Variants in SLC4A5 observed in about 807,000 individuals in gnomAD.
SLC4A5 encodes solute carrier family 4 member 5, also known as electrogenic sodium bicarbonate cotransporter 4.
SLC4A5 carries 96 observed loss-of-function variants against 120.4 expected under a neutral mutation model. The observed-to-expected ratio is 0.80, with a 90% confidence interval of 0.68 to 0.94. The LOEUF is 0.94. Ranked by LOEUF, SLC4A5 falls within the 40% of genes least tolerant of loss-of-function variation. SLC4A5 has a pLI of 0.00. For missense variants in SLC4A5, 1,259 were observed against 1,459.5 expected, an observed-to-expected ratio of 0.86 and a Z score of 2.24; for synonymous variants, 550 against 571.1, an observed-to-expected ratio of 0.96 and a Z score of 0.53.
At chr2:74,319,252 T>TA (rs1312854891) in intron 5 of SLC4A5, 1 of 152,172 alleles carries the variant, frequency 6.6e-6, no homozygotes, top group Non-Finnish European at 1.5e-5. Flanking sequence ...AAAAGTGACC[T>TA]ATTGCTACAC....
chr2:74,325,521 TG>T (rs1673197771), intron 5 of SLC4A5, among the ~76,000 whole-genome samples: 1 of 152,184 alleles, frequency 6.6e-6, no homozygotes, highest in Non-Finnish European at 1.5e-5. Flanking sequence ...GTGTTGGCCC[TG>T]GGGAAGTGTT....
At chr2:74,267,954 C>T (rs550541863) in intron 8 of SLC4A5, among the ~76,000 whole-genome samples, 27 of 152,070 alleles carry the variant, frequency 1.8e-4, no homozygotes, top group African/African-American at 2.4e-4. Context: ...CACTGCACTC[C>T]AGCCTGGGTA....
intron 16 of SLC4A5, 27 bp downstream of exon 16, chr2:74,252,152 G>A (rs765622372): frequency 1.2e-6 from 2 of 1,607,260 alleles, no homozygotes; most frequent in Non-Finnish European, 1.7e-6. Flanking sequence ...AGGACAGCAG[G>A]GTCACTGGGA....
chr2:74,283,396 A>G (rs2104154660), intron 8 of SLC4A5, among the ~76,000 whole-genome samples: 1 of 152,346 alleles, frequency 6.6e-6, no homozygotes, highest in African/African-American at 2.4e-5. Flanking sequence ...GAACGGCATC[A>G]TAGGAAGAGA....
At chr2:74,248,545 G>A in intron 17 of SLC4A5, 59 bp from the exon 18 acceptor site, 1 of 1,596,248 alleles carries the variant, frequency 6.3e-7, no homozygotes. Context: ...TCTCCACACA[G>A]GCTGCAGCCC....
chr2:74,273,523 C>T (rs1018605356), intron 8 of SLC4A5, among the ~76,000 whole-genome samples: 5 of 152,132 alleles, frequency 3.3e-5, no homozygotes, highest in Non-Finnish European at 7.4e-5. Context: ...TCTCCCACCC[C>T]GCCCCATTAC....
chr2:74,329,801 G>T (rs570002690), intron 4 of SLC4A5, among the ~76,000 whole-genome samples: 2 of 151,996 alleles, frequency 1.3e-5, no homozygotes, highest in African/African-American at 4.8e-5. Context: ...GAAGTGATCA[G>T]ATGTAGATGG....
chr2:74,325,325 A>G (rs941998178), intron 5 of SLC4A5, among the ~76,000 whole-genome samples: 1 of 152,250 alleles, frequency 6.6e-6, no homozygotes, highest in Non-Finnish European at 1.5e-5. Context: ...TAATGTAGCT[A>G]TAATATTCAG....
chr2:74,323,165 A>G (rs989349706), intron 5 of SLC4A5, among the ~76,000 whole-genome samples: 1 of 152,136 alleles, frequency 6.6e-6, no homozygotes, highest in African/African-American at 2.4e-5. Context: ...ATTTGAACCC[A>G]GGAGGTGGAG....
exon 19 of SLC4A5, chr2:74,247,254 G>C: frequency 1.9e-6 from 3 of 1,614,204 alleles, no homozygotes; most frequent in Non-Finnish European, 2.5e-6. Context: ...GCACTGGACA[G>C]CTGAGTGTAG....
chr2:74,225,582 C>A (rs959036835), intron 27 of SLC4A5, among the ~76,000 whole-genome samples: 1 of 152,110 alleles, frequency 6.6e-6, no homozygotes, highest in African/African-American at 2.4e-5. Context: ...GGCGACAGAG[C>A]AAGACTCCAT....
chr2:74,275,948 A>T (rs1056614183), intron 8 of SLC4A5, among the ~76,000 whole-genome samples: 1 of 152,166 alleles, frequency 6.6e-6, no homozygotes, highest in African/African-American at 2.4e-5. Context: ...CACTTTGCAC[A>T]TACCACCCTG....
chr2:74,240,766 T>C (rs1222176030), intron 20 of SLC4A5, among the ~76,000 whole-genome samples: 2 of 112,358 alleles, frequency 1.8e-5, no homozygotes, highest in Middle Eastern at 4.2e-3. Flanking sequence ...CAAGACCCCA[T>C]CTCAAAAAAA....
At position 74,255,060 on chromosome 2, in the gene SLC4A5, A is replaced by G. The variant is rs375539950; in HGVS notation, c.1026-354T>C. On this transcript the variant is annotated intron_variant, in intron 13 of 30. Transcript: ENST00000394019. The surrounding 1 kb of genome is among the most constrained non-coding windows in gnomAD (Gnocchi z 4.0). ...GGTCTCCAACTCCTGGGCTCGAGCA[A>G]TTCACCCGCCTTGGCCTCCCAGAGT... Among the ~76,000 whole-genome samples, 4 of 151,692 alleles carry G rather than the reference A, an allele frequency of 2.6e-5. No homozygotes were observed. Among genetic ancestry groups the G allele is most frequent in the African/African-American group, 7.3e-5 (3 of 41,292 alleles).
chr2:74,321,647 C>T (rs914229213), intron 5 of SLC4A5, among the ~76,000 whole-genome samples: 2 of 151,790 alleles, frequency 1.3e-5, no homozygotes, highest in South Asian at 4.2e-4. Flanking sequence ...TTGAGTCTGT[C>T]AGTAAGGGAA....
intron 29 of SLC4A5, among the ~76,000 whole-genome samples, chr2:74,221,742 G>T (rs1694655943): frequency 6.6e-6 from 1 of 152,112 alleles, no homozygotes; most frequent in South Asian, 2.1e-4. Context: ...AATAGGAGTG[G>T]GGGAGGAGTC....
chr2:74,227,266 G>T (rs986819830), intron 26 of SLC4A5, 136 bp from the exon 27 acceptor site: 3 of 1,080,444 alleles, frequency 2.8e-6, no homozygotes, highest in Non-Finnish European at 2.6e-6. Context: ...ATGCACGGGA[G>T]GGGGGCTGGA....
intron 8 of SLC4A5, among the ~76,000 whole-genome samples, chr2:74,282,165 C>G (rs1042144025): frequency 6.6e-6 from 1 of 152,188 alleles, no homozygotes; most frequent in African/African-American, 2.4e-5. Context: ...ACTGTTCAGG[C>G]CCATGGTGGG....
chr2:74,337,919 G>C (rs1316025156), intron 3 of SLC4A5, among the ~76,000 whole-genome samples: 4 of 152,202 alleles, frequency 2.6e-5, no homozygotes, highest in Non-Finnish European at 5.9e-5. Context: ...GGCTGACTCT[G>C]AACTAGGTAT....
Sources: gnomAD v4.1 joint callset for allele counts (sites outside exome capture counted in the v4.1 genomes callset) on GRCh38, gnomAD v4.1.1 for gene constraint, Gnocchi (gnomAD v3.1) non-coding constraint, MANE v1.5 for transcripts, NCBI Gene and HGNC (gene_info 2026-07-23, HGNC 2026-07-21) for gene names.